Variants in ACCS observed in about 807,000 individuals in gnomAD.
ACCS encodes 1-aminocyclopropane-1-carboxylate synthase homolog (inactive).
A neutral mutation model predicts 59.8 loss-of-function variants in ACCS; 42 were observed. The ratio of observed to expected loss-of-function variants is 0.70; its 90% CI spans 0.55 to 0.91. The LOEUF (loss-of-function observed/expected upper bound fraction) is 0.91, where lower values mean the gene tolerates loss of function less well. Among genes scored for constraint, ACCS ranks in the 40% least tolerant of loss-of-function variants. The pLI is 0.00. For synonymous variants in ACCS, 230 were observed against 240.3 expected (o/e 0.96, Z 0.40); for missense variants, 602 against 630.4 (o/e 0.95, Z 0.48).
In ACCS at chr11:44,075,590, G is replaced by C; in HGVS notation, c.554G>C (p.Gly185Ala). 6.2e-7 allele frequency: 1 copy of C among 1,614,012 alleles called. No homozygotes were observed. Among genetic ancestry groups the C allele is most frequent in the Non-Finnish European group, 8.5e-7 (1 of 1,180,008 alleles). ...SALATVLCEA[G>A]EAFLIPTPYY... ...CTGGCCACGGTGCTGTGTGAGGCCG[G>C]GGGTAAGTGAGCTCTGTGGCCTGCC... The change falls in exon 6 of 15, where the codon GGG becomes GCG. Residue 185 changes from glycine (G) to alanine (A), a missense_variant and splice_region_variant. Transcript: ENST00000263776.
chr11:44,071,918 A>T (rs1184076615), intron 3 of ACCS, among the ~76,000 whole-genome samples: 1 of 152,210 alleles, frequency 6.6e-6, no homozygotes, highest in Non-Finnish European at 1.5e-5. Flanking sequence ...TTTGCTTTTT[A>T]AAAGTGGCTG....
rs373452870 is a variant in ACCS, at chr11:44,079,467, C to G, written c.834-64C>G. ...CTGGATTTCTGATGTATTACCTCCCCACCCTGTGGGACGCATCTGCCCTAC... is the reference window on the plus strand; with the variant it reads ...CTGGATTTCTGATGTATTACCTCCCGACCCTGTGGGACGCATCTGCCCTAC... On this transcript the variant is annotated intron_variant, in intron 9 of 14. Transcript: ENST00000263776. 4.3e-6 allele frequency: 6 copies of G among 1,404,868 alleles called. No individual in the cohort carries two copies. The African/African-American group carries it at 5.6e-5, about 13-fold the overall frequency. 87.0% of individuals were successfully genotyped at this position (1,404,868 alleles called of 1,614,324 possible).
intron 10 of ACCS, 143 bp from the exon 11 acceptor site, chr11:44,080,877 T>C: frequency 1.0e-6 from 1 of 983,602 alleles, no homozygotes; most frequent in Non-Finnish European, 1.5e-6. Context: ...TGCATGGGAA[T>C]GGGTGGTTCA....
chr11:44,075,589 G>A lies in ACCS; in HGVS notation c.553G>A (p.Gly185Arg), dbSNP rs746480191. 4.3e-6 allele frequency: 7 copies of A among 1,613,790 alleles called. No homozygotes were observed. The highest frequency in any genetic ancestry group is 1.3e-5 in the African/African-American group (1 of 75,052). The change falls in exon 6 of 15, where the codon GGG (glycine) becomes AGG (arginine). Residue 185 changes from glycine to arginine, a missense_variant. By Grantham distance (125) the Gly-to-Arg change is moderately radical. Transcript: ENST00000263776. ...SALATVLCEAGEAFLIPTPYY... is the reference protein window; with the variant it reads ...SALATVLCEAREAFLIPTPYY... ...TCTGGCCACGGTGCTGTGTGAGGCC[G>A]GGGGTAAGTGAGCTCTGTGGCCTGC... is the stretch of plus-strand genomic sequence containing the variant.
intron 6 of ACCS, among the ~76,000 whole-genome samples, chr11:44,076,806 T>G (rs1953383695): frequency 2.0e-5 from 3 of 151,972 alleles, no homozygotes; most frequent in South Asian, 4.1e-4. Context: ...AGGAAAGAGG[T>G]TTAATGGATT....
chr11:44,075,433 C>G, intron 5 of ACCS, 93 bp from the exon 6 acceptor site: 1 of 1,378,874 alleles, frequency 7.3e-7, no homozygotes, highest in Non-Finnish European at 1.0e-6. Flanking sequence ...AAGGCAGGGC[C>G]TGGCGCTCAC....
intron 5 of ACCS, among the ~76,000 whole-genome samples, 178 bp from the exon 6 acceptor site, chr11:44,075,348 C>T (rs1953304661): frequency 6.6e-6 from 1 of 152,212 alleles, no homozygotes; most frequent in African/African-American, 2.4e-5. Flanking sequence ...CTCAGATGAT[C>T]TGGAGCAGGG....
At chr11:44,081,831 T>A (rs771531432) in intron 12 of ACCS, among the ~76,000 whole-genome samples, 5 of 152,222 alleles carry the variant, frequency 3.3e-5, no homozygotes, top group Non-Finnish European at 5.9e-5. Flanking sequence ...TAAGACCTTG[T>A]CTTTAACAAC....
At position 44,081,188 on chromosome 11, in the gene ACCS, A is replaced by G. The variant is rs754011255; in HGVS notation, c.979A>G (p.Met327Val). Residue 327 changes from methionine to valine, a missense_variant, in exon 12 of 15, where the codon ATG becomes GTG. Physicochemically the swap from Met to Val is conservative, Grantham distance 21. Coordinates refer to ENST00000263776, the MANE Select transcript of ACCS (RefSeq NM_032592.4). ...VMWATSKDFG[M>V]SGLRFGTLYT... is the part of the protein sequence containing the mutation. ...GTGCTTCTTCCTGCAGGACTTCGGG[A>G]TGTCTGGGCTCCGCTTTGGCACGCT... 92 of 1,614,064 alleles carry G rather than the reference A, an allele frequency of 5.7e-5. No homozygotes were observed. The highest frequency in any genetic ancestry group is 7.5e-5 in the Non-Finnish European group (88 of 1,180,036).
At chr11:44,071,110 A>T in intron 2 of ACCS, 146 bp from the exon 3 acceptor site, 4 of 801,338 alleles carry the variant, frequency 5.0e-6, no homozygotes, top group Non-Finnish European at 8.4e-6. Flanking sequence ...CAGAAGGCAC[A>T]CCTTGAGCAA....
At chr11:44,078,457 A>T in intron 8 of ACCS, 1 of 467,154 alleles carries the variant, frequency 2.1e-6, no homozygotes, top group Non-Finnish European at 3.8e-6. Context: ...CTACCAACAA[A>T]GGTAACCTAC....
At chr11:44,074,231 T>C (rs72900036) in intron 4 of ACCS, among the ~76,000 whole-genome samples, 1 of 149,230 alleles carries the variant, frequency 6.7e-6, no homozygotes, top group East Asian at 2.0e-4. Context: ...AGGATTATTA[T>C]GAAGAGTAAG....
chr11:44,069,513 G>A (rs899260937), intron 2 of ACCS, among the ~76,000 whole-genome samples: 3 of 152,168 alleles, frequency 2.0e-5, no homozygotes, highest in African/African-American at 7.2e-5. Context: ...CACCGCGCCT[G>A]GCCAAGCCAC....
chr11:44,074,484 C>A, intron 4 of ACCS, 128 bp from the exon 5 acceptor site: 1 of 760,878 alleles, frequency 1.3e-6, no homozygotes, highest in East Asian at 2.6e-5. Context: ...GACAGATACA[C>A]CCACACCCCA....
Position 44,073,347 on chromosome 11 carries a change from C to G in ACCS, c.349-100C>G, listed in dbSNP as rs746198896. 5.1e-6 allele frequency: 5 copies of G among 978,080 alleles called. No individual in the cohort carries two copies. In the Admixed American group the frequency reaches 9.9e-5, roughly 19 times the overall value. The allele number at this position is 978,080 out of a possible 1,614,324, so 60.6% of individuals were successfully genotyped here. On this transcript the variant is annotated intron_variant, in intron 3 of 14. Coordinates refer to ENST00000263776, the MANE Select transcript of ACCS (RefSeq NM_032592.4). ...TCACTCTCTGCCCCTCTCGCAGTTTCTCTGATGAGCAGAACAAGCGTTCAG... is the reference window on the plus strand; with the variant it reads ...TCACTCTCTGCCCCTCTCGCAGTTTGTCTGATGAGCAGAACAAGCGTTCAG...
rs988438226 is a variant in ACCS at position 44,074,266 on chromosome 11, T to C, written c.420-346T>C. On this transcript the variant is annotated intron_variant, in intron 4 of 14. Coordinates refer to ENST00000263776, the MANE Select transcript of ACCS (RefSeq NM_032592.4). ...GTAAAAATTTTCTAAATAACATTTA[T>C]AGAAGGTAAATGCTCAAAAAATATG... Among the ~76,000 whole-genome samples, 5 of 152,336 alleles carry C rather than the reference T, an allele frequency of 3.3e-5. 1 individual carries two copies. Among genetic ancestry groups the C allele is most frequent in the Middle Eastern group, 6.8e-3 (2 of 294 alleles).
At position 44,083,695 on chromosome 11, in the gene ACCS, G is replaced by A. The variant is rs376371213; in HGVS notation, c.1409G>A (p.Gly470Glu). 2 of 1,614,150 alleles carry A rather than the reference G, an allele frequency of 1.2e-6. No homozygotes were observed. Among genetic ancestry groups the A allele is most frequent in the Admixed American group, 1.7e-5 (1 of 60,030 alleles). The part of the protein sequence containing the change: ...FSDQVHRLCL[G>E]MQRVQQVLAG... ...CTGGCCCCTCACTTCCCCTTCCCAG[G>A]GATGCAGAGGGTCCAGCAGGTGCTT... The change falls in exon 15 of 15, where the codon GGG (glycine) becomes GAG (glutamate). Residue 470 changes from glycine to glutamate, a missense_variant and splice_region_variant. Physicochemically the swap from Gly to Glu is moderately conservative, Grantham distance 98 (BLOSUM62 -2). Coordinates refer to ENST00000263776, the MANE Select transcript of ACCS (RefSeq NM_032592.4).
chr11:44,082,907 G>T lies in ACCS; in HGVS notation c.1112-262G>T, dbSNP rs534597829. On this transcript the variant is annotated intron_variant, in intron 12 of 14. Coordinates refer to ENST00000263776, the MANE Select transcript of ACCS (RefSeq NM_032592.4). ...AACATTGGGTTCGATTCTTTATCCT[G>T]GGGGACTTTGCGCTGAGGGGGTGTG... Among the ~76,000 whole-genome samples the T allele has an allele frequency of 1.5e-4, 23 of 152,202 alleles. No homozygotes were observed. In the South Asian group the frequency reaches 1.9e-3, roughly 12 times the overall value.
At chr11:44,075,642 C>T (rs1953323479) in intron 6 of ACCS, 50 bp downstream of exon 6, 5 of 1,595,110 alleles carry the variant, frequency 3.1e-6, no homozygotes, top group Non-Finnish European at 4.3e-6. Flanking sequence ...ATTGTGCTTG[C>T]AGGGTTCCCA....
Sources: allele counts gnomAD v4.1 joint callset (sites outside exome capture counted in the v4.1 genomes callset), GRCh38; gene constraint gnomAD v4.1.1; transcripts MANE v1.5; gene names NCBI Gene and HGNC (gene_info 2026-07-23, HGNC 2026-07-21).